Variants in CAST observed in about 807,000 individuals in gnomAD.
CAST encodes the protein MIR583 host.
In CAST, 76 loss-of-function variants were observed where a neutral mutation model predicts 119.6. That is an observed-to-expected ratio of 0.64 (90% CI 0.53 to 0.77). The LOEUF (loss-of-function observed/expected upper bound fraction) is 0.77. CAST is among the 30% of genes least tolerant of loss of function. CAST has a pLI of 0.00. For synonymous variants in CAST, 319 were observed against 331.6 expected (o/e 0.96, Z 0.41); for missense variants, 953 against 946.5 (o/e 1.01, Z -0.09).
At chr5:96,635,782 G>C (rs1374465554) in intron 1 of CAST, among the ~76,000 whole-genome samples, 1 of 152,190 alleles carries the variant, frequency 6.6e-6, no homozygotes, top group Non-Finnish European at 1.5e-5. Context: ...ACTCTCATCT[G>C]TGCTTAGTTA....
At chr5:96,686,138 G>A (rs1752051750) in intron 2 of CAST, among the ~76,000 whole-genome samples, 1 of 150,670 alleles carries the variant, frequency 6.6e-6, no homozygotes. Context: ...ACTTCTCCCA[G>A]GACCTTGTCC....
the CAST span, among the ~76,000 whole-genome samples, chr5:96,102,152 G>T: frequency 6.6e-6 from 1 of 152,234 alleles, no homozygotes; most frequent in South Asian, 2.1e-4. Flanking sequence ...AGCCTTTTTT[G>T]GGTGCTCATA....
intron 9 of CAST, among the ~76,000 whole-genome samples, chr5:96,734,718 G>A (rs1761275544): frequency 6.6e-6 from 1 of 152,094 alleles, no homozygotes; most frequent in African/African-American, 2.4e-5. Flanking sequence ...ATTGTGAGCT[G>A]GGCACCTTGC....
At chr5:95,971,003 A>G in the CAST span, among the ~76,000 whole-genome samples, 1 of 152,186 alleles carries the variant, frequency 6.6e-6, no homozygotes, top group Non-Finnish European at 1.5e-5. Flanking sequence ...AACAGTTCAT[A>G]ATGTTGATGA....
At chr5:96,326,615 C>T in the CAST span, among the ~76,000 whole-genome samples, 84 of 151,216 alleles carry the variant, frequency 5.6e-4, no homozygotes, top group Non-Finnish European at 8.8e-4. Context: ...TACTTGTTAA[C>T]GGTATTGCCA....
At chr5:95,968,685 C>T in the CAST span, among the ~76,000 whole-genome samples, 2 of 152,122 alleles carry the variant, frequency 1.3e-5, no homozygotes, top group African/African-American at 2.4e-5. Context: ...AATTGTAGCC[C>T]TAGCTGATTT....
At chr5:96,608,578 T>A (rs1042334134) in intron 1 of CAST, among the ~76,000 whole-genome samples, 6 of 151,824 alleles carry the variant, frequency 4.0e-5, no homozygotes, top group Admixed American at 3.9e-4. Flanking sequence ...TGCATAAATA[T>A]ATGACAACAA....
At chr5:96,546,481 G>A (rs1030306357) in intron 1 of CAST, 7 of 152,034 alleles carry the variant, frequency 4.6e-5, no homozygotes, top group African/African-American at 1.7e-4. Context: ...ACGTCCCATG[G>A]TAGAGATTCT....
At chr5:96,025,392 C>T in the CAST span, among the ~76,000 whole-genome samples, 1 of 152,106 alleles carries the variant, frequency 6.6e-6, no homozygotes, top group Non-Finnish European at 1.5e-5. Flanking sequence ...GAAAGCTTCA[C>T]CTTCATGACC....
At position 96,631,519 on chromosome 5, in the gene CAST, T is replaced by G. The variant is rs569205871; in HGVS notation, c.61-44020T>G. ...ATTAGCTGATGGGCATTTAGGTTAC[T>G]TTCACTTTTGGCTATTGTGAATAAT... is the stretch of plus-strand genomic sequence containing the variant. On this transcript the variant is annotated intron_variant, in intron 1 of 11. Coordinates refer to the CAST transcript ENST00000505143. Among the ~76,000 whole-genome samples, 3 of 140,372 alleles carry G rather than the reference T, an allele frequency of 2.1e-5. 1 individual carries two copies. In the South Asian group the frequency reaches 7.1e-4, roughly 33 times the overall value. The allele number at this position is 140,372 out of a possible 152,430, so 92.1% of individuals were successfully genotyped here.
chr5:95,961,921 G>A, the CAST span: 4 of 664,932 alleles, frequency 6.0e-6, no homozygotes, highest in Non-Finnish European at 9.3e-6. Flanking sequence ...CCCCGCCCCG[G>A]GCTCGTCTCA....
chr5:96,442,822 T>C, the CAST span, among the ~76,000 whole-genome samples: 1 of 152,198 alleles, frequency 6.6e-6, no homozygotes, highest in Non-Finnish European at 1.5e-5. Context: ...CTTCACTTTC[T>C]TTTTCTCCTC....
In CAST at chr5:96,635,287, A is replaced by G. The variant is rs1486356473; in HGVS notation, c.61-40252A>G. 2.6e-5 allele frequency among the ~76,000 whole-genome samples: 4 copies of G among 152,216 alleles called. 1 individual carries two copies. The highest frequency in any genetic ancestry group is 2.6e-4 in the Admixed American group (4 of 15,292). ...GGGATCAAATTACATAGACTTTGCT[A>G]TTCTCTTTGTTTCCAGATTCAAACT... On this transcript the variant is annotated intron_variant, in intron 1 of 11. Coordinates refer to the CAST transcript ENST00000505143.
In CAST at chr5:96,729,134, A is replaced by T. The variant is rs761877402; in HGVS notation, c.379-19A>T. 6.6e-7 allele frequency: 1 copy of T among 1,508,080 alleles called. No homozygotes were observed. The highest frequency in any genetic ancestry group is 1.8e-5 in the Admixed American group (1 of 55,818). 93.4% of individuals were successfully genotyped at this position (1,508,080 alleles called of 1,614,324 possible). A position where few individuals can be genotyped will look rare whatever the true frequency, so the allele number is the denominator to read the frequency against. On this transcript the variant is annotated intron_variant, in intron 6 of 31. Transcript: ENST00000675179. ...GTTGGATTCCAGTGTAATCAAGTTT[A>T]ATCTTTTGAAATTGACAGCTGTCTG... is the stretch of plus-strand genomic sequence containing the variant.
At chr5:96,509,667 G>A in the CAST span, among the ~76,000 whole-genome samples, 1 of 152,130 alleles carries the variant, frequency 6.6e-6, no homozygotes, top group Admixed American at 6.5e-5. Flanking sequence ...CAACTTTTAG[G>A]AATCATTCCC....
chr5:96,130,685 A>ATTTT, the CAST span, among the ~76,000 whole-genome samples: 1 of 152,094 alleles, frequency 6.6e-6, no homozygotes, highest in African/African-American at 2.4e-5. Flanking sequence ...AAATATTACA[A>ATTTT]ATCGAAAAGA....
the CAST span, among the ~76,000 whole-genome samples, chr5:96,167,894 G>A: frequency 2.6e-5 from 4 of 152,064 alleles, no homozygotes; most frequent in Admixed American, 1.3e-4. Flanking sequence ...GAAGTGGGTG[G>A]GGGGGCCTGA....
intron 9 of CAST, 119 bp from the exon 10 acceptor site, chr5:96,736,053 A>G (rs1761566529): frequency 3.2e-6 from 2 of 627,488 alleles, no homozygotes; most frequent in Non-Finnish European, 5.5e-6. Flanking sequence ...TCTGCTGTAG[A>G]GCGGATGTTC....
the CAST span, among the ~76,000 whole-genome samples, chr5:96,440,030 A>G: frequency 6.6e-6 from 1 of 152,168 alleles, no homozygotes; most frequent in Admixed American, 6.5e-5. Flanking sequence ...AGCTTCTGAT[A>G]CTGAAACTCA....
Sources: allele counts gnomAD v4.1 joint callset (sites outside exome capture counted in the v4.1 genomes callset), GRCh38; gene constraint gnomAD v4.1.1; transcripts MANE v1.5; gene names NCBI Gene and HGNC (gene_info 2026-07-23, HGNC 2026-07-21).